NFATC2: variants seen among roughly 807,000 people sequenced by gnomAD.
NFATC2 encodes the protein nuclear factor of activated T cells 2, also known as nuclear factor of activated T-cells, cytoplasmic 2.
A neutral mutation model predicts 87.3 loss-of-function variants in NFATC2; 22 were observed. The ratio of observed to expected loss-of-function variants is 0.25; its 90% CI spans 0.18 to 0.36. The LOEUF (loss-of-function observed/expected upper bound fraction) is 0.36, where lower values mean the gene tolerates loss of function less well. NFATC2 is among the 10% of genes least tolerant of loss of function. The pLI, the probability that NFATC2 is intolerant of heterozygous loss-of-function variation, is 1.00. For synonymous variants in NFATC2, 565 were observed against 542.2 expected, an observed-to-expected ratio of 1.04 and a Z score of -0.58; for missense variants, 1,149 against 1,259.1, an observed-to-expected ratio of 0.91 and a Z score of 1.32.
At chr20:51,394,336 A>AAC (rs1282041121) in intron 10 of NFATC2, among the ~76,000 whole-genome samples, 7 of 152,016 alleles carry the variant, frequency 4.6e-5, no homozygotes, top group African/African-American at 1.7e-4. Context: ...GGTGCAGGGG[A>AAC]ACCCCAGTGC....
At chr20:51,511,774 C>T (rs994878654) in intron 3 of NFATC2, among the ~76,000 whole-genome samples, 14 of 152,198 alleles carry the variant, frequency 9.2e-5, no homozygotes, top group African/African-American at 2.9e-4. Flanking sequence ...CTGCTTCTTC[C>T]GTAACTTCTT....
chr20:51,477,521 A>ATGTGTG (rs550229417), intron 3 of NFATC2, among the ~76,000 whole-genome samples: 3 of 124,132 alleles, frequency 2.4e-5, no homozygotes, highest in African/African-American at 8.9e-5. Flanking sequence ...ATATATACAT[A>ATGTGTG]TGTGTGTGTG....
chr20:51,390,729 T>A lies in NFATC2; in HGVS notation c.*767A>T, dbSNP rs1986229056. On this transcript the variant is annotated 3_prime_UTR_variant, in exon 11 of 11. Transcript: ENST00000371564. ...TAATAACAAACGCGTATACATGTCA[T>A]AACTTAACGCCAAGAAGTCTTAACA... 1 of 160,258 alleles carries A rather than the reference T, an allele frequency of 6.2e-6. No individual in the cohort carries two copies. Among genetic ancestry groups the A allele is most frequent in the Admixed American group, 5.8e-5 (1 of 17,358 alleles). 9.9% of individuals were successfully genotyped at this position (160,258 alleles called of 1,614,324 possible).
chr20:51,503,703 A>G (rs1004894625), intron 3 of NFATC2, among the ~76,000 whole-genome samples: 3 of 152,288 alleles, frequency 2.0e-5, no homozygotes, highest in African/African-American at 7.2e-5. Context: ...CTGTTGTTCT[A>G]CCTCTGCCTG....
rs769762566 is a variant in NFATC2, at chr20:51,390,293, C to G, written c.*1203G>C. 1.3e-5 allele frequency: 2 copies of G among 152,202 alleles called. No individual in the cohort carries two copies. Among genetic ancestry groups the G allele is most frequent in the African/African-American group, 2.4e-5 (1 of 41,444 alleles). The allele number at this position is 152,202 out of a possible 1,614,324, so 9.4% of individuals were successfully genotyped here. A position where few individuals can be genotyped will look rare whatever the true frequency, so the allele number is the denominator to read the frequency against. ...AACCAGTGAAGCTGGGAAGCACATC[C>G]TGAGCTCGGCTGTCCCACTTAGAGG... On this transcript the variant is annotated 3_prime_UTR_variant, in exon 11 of 11. Transcript: ENST00000371564.
At chr20:51,395,497 C>G (rs1437935196) in intron 10 of NFATC2, among the ~76,000 whole-genome samples, 1 of 152,124 alleles carries the variant, frequency 6.6e-6, no homozygotes, top group East Asian at 1.9e-4. Context: ...GTGTCCCTTT[C>G]TCAGAACACA....
chr20:51,397,975 A>ATAAGGTCT (rs1568925184), intron 10 of NFATC2, among the ~76,000 whole-genome samples: 1 of 152,148 alleles, frequency 6.6e-6, no homozygotes, highest in East Asian at 1.9e-4. Context: ...AACCTGCACG[A>ATAAGGTCT]TAAGGTCTTC....
At chr20:51,404,823 G>A (rs1439705870) in intron 9 of NFATC2, among the ~76,000 whole-genome samples, 2 of 152,200 alleles carry the variant, frequency 1.3e-5, no homozygotes, top group East Asian at 1.9e-4. Flanking sequence ...CCGGCGACCT[G>A]CAGAGCAGCG....
chr20:51,506,662 C>T (rs1020945014), intron 3 of NFATC2, among the ~76,000 whole-genome samples: 1 of 152,154 alleles, frequency 6.6e-6, no homozygotes, highest in African/African-American at 2.4e-5. Flanking sequence ...CCACAGGGTA[C>T]CAGAAGGGCA....
intron 5 of NFATC2, among the ~76,000 whole-genome samples, chr20:51,464,091 G>A (rs917402920): frequency 3.9e-5 from 6 of 152,160 alleles, no homozygotes; most frequent in Admixed American, 3.9e-4. Context: ...CTGTCTGCTC[G>A]ACTCTCCTCT....
At chr20:51,413,718 G>A (rs1276550659) in intron 9 of NFATC2, among the ~76,000 whole-genome samples, 1 of 152,204 alleles carries the variant, frequency 6.6e-6, no homozygotes, top group Admixed American at 6.5e-5. Flanking sequence ...GGTGGCACCA[G>A]TGCACTCCAG....
chr20:51,422,436 C>T (rs1349689157), intron 9 of NFATC2, among the ~76,000 whole-genome samples: 1 of 152,126 alleles, frequency 6.6e-6, no homozygotes, highest in African/African-American at 2.4e-5. Flanking sequence ...GCAAAACAGG[C>T]CCCAGCCCTG....
At chr20:51,547,764 G>A (rs2076901254) in intron 1 of NFATC2, among the ~76,000 whole-genome samples, 1 of 152,138 alleles carries the variant, frequency 6.6e-6, no homozygotes, top group Admixed American at 6.5e-5. Flanking sequence ...TGGTTCTTGA[G>A]TCCTCGCCTT....
chr20:51,555,939 A>G (rs1292141172), intron 1 of NFATC2, among the ~76,000 whole-genome samples: 2 of 152,230 alleles, frequency 1.3e-5, no homozygotes, highest in African/African-American at 4.8e-5. Context: ...TCTAGATCCT[A>G]TGAATGGGAC....
intron 9 of NFATC2, among the ~76,000 whole-genome samples, chr20:51,424,299 G>A: frequency 6.6e-6 from 1 of 152,168 alleles, no homozygotes; most frequent in African/African-American, 2.4e-5. Flanking sequence ...ACATACTTGA[G>A]AATTCAGGCC....
chr20:51,456,066 G>A (rs1462946896), intron 5 of NFATC2, among the ~76,000 whole-genome samples: 1 of 134,758 alleles, frequency 7.4e-6, no homozygotes, highest in East Asian at 2.3e-4. Flanking sequence ...ATGGGTGGGT[G>A]GGTGGATGGA....
chr20:51,430,714 G>A (rs1201344219), intron 9 of NFATC2, among the ~76,000 whole-genome samples: 1 of 152,192 alleles, frequency 6.6e-6, no homozygotes, highest in Non-Finnish European at 1.5e-5. Flanking sequence ...AAGACGTTTT[G>A]TAGAGTAAAG....
chr20:51,474,963 C>CTTT (rs1387504137), intron 4 of NFATC2, among the ~76,000 whole-genome samples: 6 of 147,258 alleles, frequency 4.1e-5, no homozygotes, highest in African/African-American at 5.1e-5. Context: ...ACATATTATA[C>CTTT]TTTATTTATT....
In NFATC2 at chr20:51,523,928, C is replaced by T; in HGVS notation, c.313G>A (p.Gly105Arg). ...ATCCGAGGGCTCAGGCCCGAGGCCC[C>T]TGCTGGCTTGGCCGCGCTCAGAAAC... Reference protein sequence around the residue: ...QKFLSAAKPAGASGLSPRIEI... With the variant: ...QKFLSAAKPARASGLSPRIEI... The change falls in exon 2 of 11, where the codon GGG becomes AGG. Residue 105 changes from glycine (G) to arginine (R), a missense_variant. Around this residue, in one of 3 missense-constraint regions of NFATC2, gnomAD observed 563 missense variants for 585.2 expected, o/e 0.96. Coordinates refer to ENST00000371564, the MANE Select transcript of NFATC2 (RefSeq NM_012340.5). The surrounding 1 kb of genome is among the most constrained non-coding windows in gnomAD (Gnocchi z 6.9). 1 of 1,601,304 alleles carries T rather than the reference C, an allele frequency of 6.2e-7. No homozygotes were observed. Among genetic ancestry groups the T allele is most frequent in the Non-Finnish European group, 8.5e-7 (1 of 1,176,548 alleles).
Sources: gnomAD v4.1 joint callset for allele counts (sites outside exome capture counted in the v4.1 genomes callset) on GRCh38, gnomAD v4.1.1 for gene constraint, gnomAD v4.1.1 regional missense constraint, Gnocchi (gnomAD v3.1) non-coding constraint, MANE v1.5 for transcripts, NCBI Gene and HGNC (gene_info 2026-07-23, HGNC 2026-07-21) for gene names.